PIK3C3: variants seen among roughly 807,000 people sequenced by gnomAD.
PIK3C3 encodes the protein phosphatidylinositol 3-kinase catalytic subunit type 3, also known as PI3-kinase type 3.
Under a neutral mutation model 126.1 loss-of-function variants are expected in PIK3C3, and 95 were observed. The observed-to-expected ratio is 0.75, with a 90% CI of 0.64 to 0.89. PIK3C3 has a LOEUF of 0.89. Ranked by LOEUF, PIK3C3 falls within the 40% of genes least tolerant of loss-of-function variation. The probability of loss-of-function intolerance (pLI) is 0.00; values close to 1 mark genes in which losing one functional copy is unlikely to be tolerated. For missense variants in PIK3C3, 829 were observed against 1,063.2 expected (o/e 0.78, Z 3.06); for synonymous variants, 374 against 360.0 (o/e 1.04, Z -0.44).
chr18:42,040,156 C>CTTT (rs55821466), intron 18 of PIK3C3, among the ~76,000 whole-genome samples: 3,839 of 110,374 alleles, frequency 0.035, 303 homozygotes, highest in African/African-American at 0.14. Flanking sequence ...GTCCCCTTTC[C>CTTT]TTTTTTTTTT....
intron 22 of PIK3C3, among the ~76,000 whole-genome samples, chr18:42,059,066 G>T (rs1026544068): frequency 3.3e-5 from 5 of 152,152 alleles, no homozygotes; most frequent in African/African-American, 1.2e-4. Flanking sequence ...CTTCGTATTT[G>T]TATGAGAACC....
Position 42,004,353 on chromosome 18 carries a change from T to C in PIK3C3, c.985-3T>C, listed in dbSNP as rs201571761. On this transcript the variant is annotated splice_polypyrimidine_tract_variant and splice_region_variant and intron_variant, in intron 9 of 24. Transcript: ENST00000262039. ...CTAATTTTTAAATATTTTCTGATTT[T>C]AGGCCTTGACAAAATTCTTGAAATG... The C allele has an allele frequency of 6.2e-5, 100 of 1,606,816 alleles. No homozygotes were observed. The African/African-American group carries it at 8.9e-4, about 14-fold the overall frequency.
At chr18:41,984,076 A>AT (rs1981345742) in intron 4 of PIK3C3, among the ~76,000 whole-genome samples, 2 of 149,818 alleles carry the variant, frequency 1.3e-5, no homozygotes, top group South Asian at 4.2e-4. Flanking sequence ...CTGTTTCTTG[A>AT]CCTATCCCCA....
intron 2 of PIK3C3, among the ~76,000 whole-genome samples, chr18:41,961,726 G>C (rs973443542): frequency 4.6e-5 from 7 of 152,064 alleles, no homozygotes; most frequent in African/African-American, 1.7e-4. Context: ...TTAAAAGCCA[G>C]CTCCTCTTGA....
chr18:41,967,041 C>CT (rs563654984), intron 3 of PIK3C3, among the ~76,000 whole-genome samples: 22 of 149,046 alleles, frequency 1.5e-4, no homozygotes, highest in Middle Eastern at 6.9e-3. Flanking sequence ...ATTAAAACAA[C>CT]TTTTTTTTTT....
chr18:42,058,898 T>C (rs1249841666), intron 22 of PIK3C3, among the ~76,000 whole-genome samples: 1 of 152,230 alleles, frequency 6.6e-6, no homozygotes, highest in African/African-American at 2.4e-5. Context: ...CCAGGAAACA[T>C]ACATACATGC....
At chr18:41,964,618 T>C (rs182691913) in intron 3 of PIK3C3, among the ~76,000 whole-genome samples, 19 of 152,238 alleles carry the variant, frequency 1.2e-4, no homozygotes, top group African/African-American at 4.6e-4. Flanking sequence ...TATTATAAAA[T>C]GTTTAAGTAT....
intron 9 of PIK3C3, among the ~76,000 whole-genome samples, chr18:42,003,721 C>T (rs1982402513): frequency 6.6e-6 from 1 of 152,202 alleles, no homozygotes. Flanking sequence ...AGATGTACAA[C>T]CAGCCAGATC....
At chr18:42,031,734 T>G (rs1983839382) in intron 15 of PIK3C3, among the ~76,000 whole-genome samples, 1 of 152,216 alleles carries the variant, frequency 6.6e-6, no homozygotes, top group Non-Finnish European at 1.5e-5. Context: ...CCATCTATAT[T>G]TAAAATAAAT....
intron 3 of PIK3C3, among the ~76,000 whole-genome samples, chr18:41,965,463 A>G (rs560529526): frequency 6.6e-6 from 1 of 152,256 alleles, no homozygotes; most frequent in Non-Finnish European, 1.5e-5. Context: ...ACGTTTTTTT[A>G]AAAAGTACTA....
chr18:42,027,375 T>C (rs1567989626), intron 13 of PIK3C3, 68 bp from the exon 14 acceptor site: 2 of 783,646 alleles, frequency 2.6e-6, no homozygotes, highest in Non-Finnish European at 4.2e-6. Flanking sequence ...AGTGAAATGA[T>C]ATGAGTATTT....
At chr18:42,012,034 A>G (rs1313570237) in intron 10 of PIK3C3, among the ~76,000 whole-genome samples, 4 of 152,204 alleles carry the variant, frequency 2.6e-5, no homozygotes, top group African/African-American at 7.2e-5. Context: ...ATCACAGATC[A>G]CCATAACAGA....
chr18:42,002,470 T>A (rs919635058), intron 9 of PIK3C3, among the ~76,000 whole-genome samples: 2 of 152,328 alleles, frequency 1.3e-5, no homozygotes, highest in East Asian at 3.9e-4. Flanking sequence ...GTCCACATCG[T>A]ATGGGGCTAA....
chr18:41,978,604 CT>C (rs1027497687), intron 4 of PIK3C3, among the ~76,000 whole-genome samples: 3 of 152,122 alleles, frequency 2.0e-5, no homozygotes, highest in African/African-American at 7.2e-5. Context: ...AATTTTCTTT[CT>C]TTTGAATGCA....
chr18:42,054,126 G>A (rs1172203015), intron 21 of PIK3C3, among the ~76,000 whole-genome samples: 6 of 69,654 alleles, frequency 8.6e-5, no homozygotes, highest in Non-Finnish European at 1.1e-4. Context: ...AGAACTAATG[G>A]TATATATATA....
chr18:42,004,845 G>GA (rs1982466856), intron 10 of PIK3C3, among the ~76,000 whole-genome samples: 1 of 152,126 alleles, frequency 6.6e-6, no homozygotes, highest in South Asian at 2.1e-4. Flanking sequence ...GAATTCTAGT[G>GA]AAAAATGGTT....
intron 10 of PIK3C3, among the ~76,000 whole-genome samples, chr18:42,012,787 A>G (rs1186109682): frequency 6.6e-6 from 1 of 152,164 alleles, no homozygotes; most frequent in East Asian, 1.9e-4. Flanking sequence ...AGTCTTAGCA[A>G]TTTGTTTTGT....
At chr18:41,987,605 T>C (rs1598870887) in intron 4 of PIK3C3, among the ~76,000 whole-genome samples, 1 of 152,066 alleles carries the variant, frequency 6.6e-6, no homozygotes, top group South Asian at 2.1e-4. Flanking sequence ...TGGCAAATTA[T>C]GGACCTTTTT....
chr18:42,073,484 A>G (rs940761856), intron 24 of PIK3C3, among the ~76,000 whole-genome samples: 1 of 152,204 alleles, frequency 6.6e-6, no homozygotes, highest in Non-Finnish European at 1.5e-5. Flanking sequence ...AAAGTGTTTC[A>G]GTTATCAAGT....
Sources: gnomAD v4.1 joint callset for allele counts (sites outside exome capture counted in the v4.1 genomes callset) on GRCh38, gnomAD v4.1.1 for gene constraint, MANE v1.5 for transcripts, NCBI Gene and HGNC (gene_info 2026-07-23, HGNC 2026-07-21) for gene names.